PDE8B: variants seen among roughly 807,000 people sequenced by gnomAD.
The protein encoded by PDE8B is high affinity cAMP-specific and IBMX-insensitive 3',5'-cyclic phosphodiesterase 8B.
A neutral mutation model predicts 101.3 loss-of-function variants in PDE8B; 26 were observed. The observed-to-expected ratio is 0.26, with a 90% CI of 0.19 to 0.36. The LOEUF (loss-of-function observed/expected upper bound fraction) is 0.36, where lower values mean the gene tolerates loss of function less well. Ranked by LOEUF, PDE8B falls within the 10% of genes least tolerant of loss-of-function variation. PDE8B has a pLI of 1.00. For synonymous variants in PDE8B, 424 were observed against 429.3 expected (o/e 0.99, Z 0.15); for missense variants, 810 against 1,163.1 (o/e 0.70, Z 4.42).
At chr5:77,259,651 A>G (rs1004559477) in intron 1 of PDE8B, among the ~76,000 whole-genome samples, 1 of 152,118 alleles carries the variant, frequency 6.6e-6, no homozygotes, top group African/African-American at 2.4e-5. Flanking sequence ...AGCAATCCCT[A>G]CTAAGCCAAC....
chr5:77,363,214 G>T (rs182005672), intron 10 of PDE8B, among the ~76,000 whole-genome samples: 3 of 152,316 alleles, frequency 2.0e-5, no homozygotes, highest in Non-Finnish European at 4.4e-5. Flanking sequence ...GGCTTGAAGT[G>T]GTCAAGAAGC....
chr5:77,237,564 T>C (rs1016768470), intron 1 of PDE8B, among the ~76,000 whole-genome samples: 11 of 152,158 alleles, frequency 7.2e-5, no homozygotes, highest in African/African-American at 2.7e-4. Context: ...ATACTAGTTA[T>C]ATGTACATTG....
chr5:77,402,097 T>C (rs1366128147), intron 11 of PDE8B, among the ~76,000 whole-genome samples: 1 of 152,162 alleles, frequency 6.6e-6, no homozygotes, highest in Non-Finnish European at 1.5e-5. Flanking sequence ...TATTACTTGG[T>C]ACACAAATAA....
intron 1 of PDE8B, among the ~76,000 whole-genome samples, chr5:77,226,739 C>A (rs1483512461): frequency 6.6e-6 from 1 of 152,182 alleles, no homozygotes; most frequent in Non-Finnish European, 1.5e-5. Context: ...GAAGCTCAAG[C>A]TTAAGATCTC....
intron 1 of PDE8B, among the ~76,000 whole-genome samples, chr5:77,299,579 A>G (rs1285253131): frequency 6.6e-6 from 1 of 151,772 alleles, no homozygotes; most frequent in Non-Finnish European, 1.5e-5. Context: ...AGTTTCATCC[A>G]TGTCCCTACA....
At chr5:77,337,434 C>G in intron 6 of PDE8B, 119 bp downstream of exon 6, 1 of 711,772 alleles carries the variant, frequency 1.4e-6, no homozygotes, top group Admixed American at 2.0e-5. Context: ...AGCTTTTAAA[C>G]AGGCAATGAA....
chr5:77,411,847 G>C lies in PDE8B; in HGVS notation c.1576+126G>C, dbSNP rs906317271. ...CCCATTTGAGTTTAAGCATCAATAT[G>C]GTCTACATTTAAAACTAGTCTCCTA... On this transcript the variant is annotated intron_variant, in intron 15 of 21. Coordinates refer to ENST00000264917, the MANE Select transcript of PDE8B (RefSeq NM_003719.5). The C allele has an allele frequency of 9.9e-6, 8 of 804,992 alleles. No homozygotes were observed. The African/African-American group carries it at 1.4e-4, about 14-fold the overall frequency. 49.9% of individuals were successfully genotyped at this position (804,992 alleles called of 1,614,324 possible). A position where few individuals can be genotyped will look rare whatever the true frequency, so the allele number is the denominator to read the frequency against.
At chr5:77,144,539 ATATAGGAAATGTTTG>A in the PDE8B span, 7 of 152,100 alleles carry the variant, frequency 4.6e-5, no homozygotes, top group Non-Finnish European at 7.4e-5. Context: ...ATACTTGGTT[ATATAGGAAATGTTTG>A]TATGAAGACT....
intron 10 of PDE8B, among the ~76,000 whole-genome samples, chr5:77,397,635 T>A (rs1561649155): frequency 2.0e-5 from 3 of 152,170 alleles, no homozygotes; most frequent in Non-Finnish European, 4.4e-5. Flanking sequence ...CTCTTCAACT[T>A]AGCTTGTTTC....
In PDE8B at chr5:77,418,196, G is replaced by C. The variant is rs774660892; in HGVS notation, c.1912-33G>C. ...GGATGTGGGTCTCCAAGATCCAGTG[G>C]GTAATGCTCAACCTTGCCTCCCCAT... On this transcript the variant is annotated intron_variant, in intron 17 of 21. Coordinates refer to ENST00000264917, the MANE Select transcript of PDE8B (RefSeq NM_003719.5). 3.7e-6 allele frequency: 5 copies of C among 1,353,250 alleles called. No homozygotes were observed. The African/African-American group carries it at 7.1e-5, about 19-fold the overall frequency. 83.8% of individuals were successfully genotyped at this position (1,353,250 alleles called of 1,614,324 possible).
Position 77,240,183 on chromosome 5 carries a change from T to TC in PDE8B, c.339+28920dup, listed in dbSNP as rs137981848. ...TTTTGTTTTGTTTTGAGATGGAGTC[T>TC]CGCTCTATTGCCCAGGCTGGAGTGC... On this transcript the variant is annotated intron_variant, in intron 1 of 21. Transcript: ENST00000264917. Among the ~76,000 whole-genome samples the TC allele has an allele frequency of 7.1e-3, 1,079 of 152,292 alleles. 9 individuals carry two copies. The highest frequency in any genetic ancestry group is 0.024 in the African/African-American group (991 of 41,554).
intron 1 of PDE8B, among the ~76,000 whole-genome samples, chr5:77,308,906 C>T (rs1207668375): frequency 6.6e-6 from 1 of 152,112 alleles, no homozygotes; most frequent in African/African-American, 2.4e-5. Context: ...CAACTGGGCA[C>T]AATGGCTCAT....
At chr5:77,293,553 G>T (rs1209789213) in intron 1 of PDE8B, among the ~76,000 whole-genome samples, 1 of 152,188 alleles carries the variant, frequency 6.6e-6, no homozygotes, top group African/African-American at 2.4e-5. Flanking sequence ...TTAAGGCACA[G>T]GTTCTGGAGT....
chr5:77,186,025 A>G, the PDE8B span, among the ~76,000 whole-genome samples: 1 of 152,180 alleles, frequency 6.6e-6, no homozygotes, highest in Non-Finnish European at 1.5e-5. Flanking sequence ...TAAATGAGAT[A>G]ATCTATGTAA....
At chr5:77,140,443 A>G in the PDE8B span, 1 of 152,138 alleles carries the variant, frequency 6.6e-6, no homozygotes, top group African/African-American at 2.4e-5. Flanking sequence ...TCCAGGGCCT[A>G]TCATTGGTCC....
intron 1 of PDE8B, among the ~76,000 whole-genome samples, chr5:77,224,788 T>C (rs1751962033): frequency 6.6e-6 from 1 of 152,216 alleles, no homozygotes; most frequent in Admixed American, 6.5e-5. Flanking sequence ...TCTCTTTCTT[T>C]TTCTCTTACA....
the PDE8B span, chr5:77,113,273 G>A: frequency 0.1 from 15,687 of 152,140 alleles, 856 homozygotes; most frequent in South Asian, 0.16. Context: ...ATACTACAAG[G>A]CTACAGTAAC....
At chr5:77,132,190 G>A in the PDE8B span, among the ~76,000 whole-genome samples, 44 of 152,134 alleles carry the variant, frequency 2.9e-4, no homozygotes, top group South Asian at 8.9e-3. Context: ...TTACACAACA[G>A]TCCAATATTG....
intron 1 of PDE8B, among the ~76,000 whole-genome samples, chr5:77,233,939 G>C (rs891358191): frequency 6.6e-6 from 1 of 151,804 alleles, no homozygotes; most frequent in Non-Finnish European, 1.5e-5. Flanking sequence ...CTTTCATTTA[G>C]CATATATTTC....
Sources: allele counts gnomAD v4.1 joint callset (sites outside exome capture counted in the v4.1 genomes callset), GRCh38; gene constraint gnomAD v4.1.1; transcripts MANE v1.5; gene names NCBI Gene and HGNC (gene_info 2026-07-23, HGNC 2026-07-21).